Variants in KITLG observed in about 807,000 individuals in gnomAD.
KITLG encodes KIT ligand.
A neutral mutation model predicts 34.1 loss-of-function variants in KITLG; 13 were observed. That is an observed-to-expected ratio of 0.38 (90% CI 0.25 to 0.61). The LOEUF is 0.61. KITLG is among the 20% of genes least tolerant of loss of function. The pLI is 0.60. For missense variants in KITLG, 292 were observed against 318.9 expected (o/e 0.92, Z 0.64); for synonymous variants, 110 against 104.0 (o/e 1.06, Z -0.35).
At chr12:88,516,553 A>G (rs1869465395) in intron 4 of KITLG, 63 bp from the exon 5 acceptor site, 7 of 1,055,014 alleles carry the variant, frequency 6.6e-6, no homozygotes, top group Non-Finnish European at 9.8e-6. Context: ...GGTGAAGATA[A>G]TGGACTATAA....
intron 1 of KITLG, among the ~76,000 whole-genome samples, chr12:88,579,697 G>C (rs1337879932): frequency 6.6e-6 from 1 of 152,120 alleles, no homozygotes; most frequent in Admixed American, 6.5e-5. Context: ...CGAGAGCCAA[G>C]TTTCCCGGGC....
At chr12:88,579,975 T>A (rs943766267) in intron 1 of KITLG, 4 of 578,834 alleles carry the variant, frequency 6.9e-6, no homozygotes, top group Non-Finnish European at 1.2e-5. Flanking sequence ...AGCCAATCTT[T>A]CCACCAGACG....
rs770406594 is a variant in KITLG at position 88,507,016 on chromosome 12, G to A, written c.714+12C>T. ...ATAGCATATTTTTAAAAAAAGGAAT[G>A]GTACCACTTACCTTCCAGTATAAGG... On this transcript the variant is annotated intron_variant, in intron 7 of 9. Transcript: ENST00000644744. The A allele has an allele frequency of 7.3e-7, 1 of 1,363,480 alleles. No individual in the cohort carries two copies. The highest frequency in any genetic ancestry group is 1.7e-5 in the Admixed American group (1 of 59,678). The allele number at this position is 1,363,480 out of a possible 1,614,324, so 84.5% of individuals were successfully genotyped here.
chr12:88,499,098 T>C (rs1415735001), intron 9 of KITLG, among the ~76,000 whole-genome samples: 2 of 152,042 alleles, frequency 1.3e-5, no homozygotes, highest in Non-Finnish European at 2.9e-5. Context: ...TAACCCTCAT[T>C]ACACATGAAA....
intron 3 of KITLG, among the ~76,000 whole-genome samples, chr12:88,526,679 A>T (rs1869879556): frequency 6.6e-6 from 1 of 152,152 alleles, no homozygotes; most frequent in South Asian, 2.1e-4. Flanking sequence ...CCAGTAGAAC[A>T]ATTTGGTTTC....
intron 6 of KITLG, among the ~76,000 whole-genome samples, chr12:88,514,493 T>C (rs971023859): frequency 1.1e-4 from 16 of 151,706 alleles, no homozygotes; most frequent in African/African-American, 3.9e-4. Context: ...TTTAGAATTT[T>C]AGGTTTCAGA....
chr12:88,547,737 T>G (rs879786490), intron 1 of KITLG, among the ~76,000 whole-genome samples: 5 of 152,238 alleles, frequency 3.3e-5, no homozygotes, highest in Admixed American at 2.0e-4. Flanking sequence ...AATCATATCC[T>G]TTGCTCAAAG....
At chr12:88,537,388 A>G (rs1030162592) in intron 2 of KITLG, among the ~76,000 whole-genome samples, 2 of 152,092 alleles carry the variant, frequency 1.3e-5, no homozygotes, top group Non-Finnish European at 2.9e-5. Context: ...AGAAAACCAA[A>G]TATTGCATGT....
At chr12:88,563,902 C>T (rs138526930) in intron 1 of KITLG, among the ~76,000 whole-genome samples, 3 of 151,730 alleles carry the variant, frequency 2.0e-5, no homozygotes, top group East Asian at 3.9e-4. Context: ...GCAGAGGTTA[C>T]AGTAAGCCAA....
In KITLG at chr12:88,493,437, AC is replaced by A. The variant is rs1868482101; in HGVS notation, c.*3781del. 6.6e-6 allele frequency: 1 copy of A among 152,318 alleles called. No homozygotes were observed. Among genetic ancestry groups the A allele is most frequent in the South Asian group, 2.1e-4 (1 of 4,836 alleles). 9.4% of individuals were successfully genotyped at this position (152,318 alleles called of 1,614,324 possible). On this transcript the variant is annotated 3_prime_UTR_variant, in exon 10 of 10. Transcript: ENST00000644744. The stretch of plus-strand genomic sequence containing the variant: ...TTTTTACAAACAAAGGCATTTCAAG[AC>A]TAGTTAATGGAAAGCAGCAACATTA...
rs1203507385 is a variant in KITLG at position 88,518,712 on chromosome 12, T to C, written c.348A>G (p.Lys116=). The C allele has an allele frequency of 6.2e-7, 1 of 1,612,888 alleles. No homozygotes were observed. Among genetic ancestry groups the C allele is most frequent in the Non-Finnish European group, 8.5e-7 (1 of 1,179,178 alleles). The change falls in exon 4 of 10, where the codon AAA becomes AAG. Residue 116 remains lysine, a synonymous_variant. Transcript: ENST00000644744. ...ACAAAGTTACCTTAGATGAGTTTTC[T>C]TTCACGCACTCCACAAGGTCATCCA... ...NIVDDLVECV[K]ENSSKDLKKS...
At chr12:88,497,206 G>C (rs1367462429) in intron 9 of KITLG, 25 bp from the exon 10 acceptor site, 2 of 427,248 alleles carry the variant, frequency 4.7e-6, no homozygotes, top group African/African-American at 4.1e-5. Context: ...AGAAAAGAGA[G>C]ATTATGGTGT....
intron 1 of KITLG, among the ~76,000 whole-genome samples, chr12:88,565,222 C>T (rs960182104): frequency 6.6e-6 from 1 of 152,180 alleles, no homozygotes; most frequent in Non-Finnish European, 1.5e-5. Context: ...TACCTATTAA[C>T]TAGCACAAAT....
At chr12:88,560,860 T>G (rs1419960288) in intron 1 of KITLG, among the ~76,000 whole-genome samples, 1 of 145,696 alleles carries the variant, frequency 6.9e-6, no homozygotes, top group East Asian at 2.1e-4. Flanking sequence ...CCCAGCTACC[T>G]GGGGGGCTGA....
intron 1 of KITLG, among the ~76,000 whole-genome samples, chr12:88,553,681 T>C (rs1315551135): frequency 2.0e-5 from 3 of 152,144 alleles, no homozygotes; most frequent in African/African-American, 7.2e-5. Context: ...ATTCCAATAA[T>C]CCTTTCATTG....
At chr12:88,558,563 T>C (rs1871178894) in intron 1 of KITLG, among the ~76,000 whole-genome samples, 2 of 152,174 alleles carry the variant, frequency 1.3e-5, no homozygotes, top group South Asian at 4.1e-4. Flanking sequence ...GCCTTTTTAG[T>C]GGGATGGAAT....
chr12:88,538,101 G>A (rs547763700), intron 2 of KITLG, among the ~76,000 whole-genome samples: 2 of 152,188 alleles, frequency 1.3e-5, no homozygotes, highest in East Asian at 3.9e-4. Flanking sequence ...AGTTAGGCAT[G>A]GTATGTGAAT....
intron 9 of KITLG, among the ~76,000 whole-genome samples, chr12:88,499,894 A>G (rs1209497209): frequency 1.3e-5 from 2 of 152,074 alleles, no homozygotes; most frequent in Admixed American, 1.3e-4. Flanking sequence ...AGTGGACTCA[A>G]TTTCTCTAGT....
chr12:88,548,121 C>T (rs189755605), intron 1 of KITLG, among the ~76,000 whole-genome samples: 6 of 152,014 alleles, frequency 3.9e-5, no homozygotes, highest in African/African-American at 1.4e-4. Flanking sequence ...TGCCCAGCAC[C>T]AAGGCTTTGC....
Sources: allele counts gnomAD v4.1 joint callset (sites outside exome capture counted in the v4.1 genomes callset), GRCh38; gene constraint gnomAD v4.1.1; transcripts MANE v1.5; gene names NCBI Gene and HGNC (gene_info 2026-07-23, HGNC 2026-07-21).